The following ARHGAP27 variants were observed in gnomAD, a reference collection of about 807,000 sequenced individuals.
ARHGAP27 encodes Rho GTPase activating protein 27.
In ARHGAP27, 53 loss-of-function variants were observed where a neutral mutation model predicts 102.0. That is an observed-to-expected ratio of 0.52 (90% confidence interval 0.42 to 0.65). The LOEUF is 0.65. Ranked by LOEUF, ARHGAP27 falls within the 30% of genes least tolerant of loss-of-function variation. The probability of loss-of-function intolerance (pLI) is 0.00; values close to 1 mark genes in which losing one functional copy is unlikely to be tolerated. For synonymous variants in ARHGAP27, 525 were observed against 542.8 expected, an observed-to-expected ratio of 0.97 and a Z score of 0.46; for missense variants, 1,117 against 1,256.2, an observed-to-expected ratio of 0.89 and a Z score of 1.68.
chr17:45,409,888 G>A (rs376689624), intron 4 of ARHGAP27: 29 of 274,218 alleles, frequency 1.1e-4, no homozygotes, highest in Non-Finnish European at 1.5e-4. Flanking sequence ...CTCTTGGGTC[G>A]CATCCTAGAG....
chr17:45,407,750 G>A (rs1230031977), intron 4 of ARHGAP27: 1 of 152,162 alleles, frequency 6.6e-6, no homozygotes, highest in African/African-American at 2.4e-5. Flanking sequence ...CTGACCTCAG[G>A]TGATCCGCCC....
At chr17:45,432,098 G>T in intron 2 of ARHGAP27, 118 bp downstream of exon 2, 1 of 253,462 alleles carries the variant, frequency 3.9e-6, no homozygotes, top group Non-Finnish European at 7.9e-6. Flanking sequence ...GCTGGGGCTG[G>T]TTGTCTCGTG....
chr17:45,409,768 G>A (rs553315745), intron 4 of ARHGAP27: 1 of 160,720 alleles, frequency 6.2e-6, no homozygotes, highest in Admixed American at 6.4e-5. Flanking sequence ...TGGCCTTCAA[G>A]GAGTTACAGG....
intron 5 of ARHGAP27, 41 bp from the exon 6 acceptor site, chr17:45,405,147 A>AGTACTGCCTGCTG: frequency 6.6e-7 from 1 of 1,518,872 alleles, no homozygotes; most frequent in Admixed American, 2.1e-5. Context: ...TCTGAGTGCC[A>AGTACTGCCTGCTG]GTACTGCCTG....
At chr17:45,409,923 G>T in intron 4 of ARHGAP27, 1 of 393,422 alleles carries the variant, frequency 2.5e-6, no homozygotes, top group East Asian at 4.8e-5. Context: ...TCCGACCTCA[G>T]GCCAGAGGAG....
At position 45,396,778 on chromosome 17, in the gene ARHGAP27, A is replaced by T. The variant is rs763629512; in HGVS notation, c.1964T>A (p.Leu655Gln). The T allele has an allele frequency of 1.9e-6, 3 of 1,612,068 alleles. No individual in the cohort carries two copies. Among genetic ancestry groups the T allele is most frequent in the Admixed American group, 1.7e-5 (1 of 59,856 alleles). The change falls in exon 15 of 20, where the codon CTG (leucine) becomes CAG (glutamine). Residue 655 changes from leucine to glutamine, a missense_variant. This residue lies in a region of ARHGAP27 where 493 missense variants were observed against 505.5 expected (regional missense o/e 0.98). Coordinates refer to ENST00000685559, the MANE Select transcript of ARHGAP27 (RefSeq NM_001282290.2). Reference sequence around the variant, plus strand: ...GTCGCTCTCCAGGCCCACGGGGCCCAGGGCGGGCGCGGCTGCCGCGGGGAA... The same window carrying T: ...GTCGCTCTCCAGGCCCACGGGGCCCTGGGCGGGCGCGGCTGCCGCGGGGAA... Reference protein sequence around the residue: ...DARPNAAAPALGPVGLESDLS... With the variant: ...DARPNAAAPAQGPVGLESDLS...
chr17:45,408,014 T>A (rs976222658), intron 4 of ARHGAP27: 17 of 152,052 alleles, frequency 1.1e-4, no homozygotes, highest in African/African-American at 3.4e-4. Flanking sequence ...TTTTAAAAAT[T>A]CACAGAAGTT....
intron 4 of ARHGAP27, among the ~76,000 whole-genome samples, chr17:45,428,782 G>A (rs939736523): frequency 6.6e-6 from 1 of 152,190 alleles, no homozygotes; most frequent in African/African-American, 2.4e-5. Context: ...GCCGGTGGCA[G>A]ATGGCAGAAC....
chr17:45,417,297 C>G (rs1467430165), intron 4 of ARHGAP27, among the ~76,000 whole-genome samples: 1 of 150,782 alleles, frequency 6.6e-6, no homozygotes, highest in African/African-American at 2.4e-5. Context: ...AACCCCTCCT[C>G]TATTAAAAAT....
intron 12 of ARHGAP27, among the ~76,000 whole-genome samples, 189 bp from the exon 13 acceptor site, chr17:45,398,236 C>T (rs1319689297): frequency 6.6e-6 from 1 of 152,218 alleles, no homozygotes; most frequent in African/African-American, 2.4e-5. Context: ...CAGTGGCTGA[C>T]AGCATCTCTG....
At chr17:45,402,895 G>T in intron 11 of ARHGAP27, 77 bp from the exon 12 acceptor site, 2 of 1,275,794 alleles carry the variant, frequency 1.6e-6, no homozygotes, top group Non-Finnish European at 2.3e-6. Flanking sequence ...CCTAGGAATA[G>T]GATGGGGTCA....
chr17:45,427,148 C>T lies in ARHGAP27; in HGVS notation c.657+2475G>A, dbSNP rs2049696511. On this transcript the variant is annotated intron_variant, in intron 4 of 19. Coordinates refer to ENST00000685559, the MANE Select transcript of ARHGAP27 (RefSeq NM_001282290.2). This position sits in a 1 kb window ranked among gnomAD's most constrained non-coding sequence, Gnocchi z 4.5. ...AGACCCTGCCCATCCATCTCCCAAACCTCTGTTTCCACACATGCCCACGAG... is the reference window on the plus strand; with the variant it reads ...AGACCCTGCCCATCCATCTCCCAAATCTCTGTTTCCACACATGCCCACGAG... Among the ~76,000 whole-genome samples the T allele has an allele frequency of 6.8e-6, 1 of 146,050 alleles. No individual in the cohort carries two copies. The highest frequency in any genetic ancestry group is 1.9e-4 in the East Asian group (1 of 5,194).
chr17:45,419,121 C>G (rs1350169516), intron 4 of ARHGAP27, among the ~76,000 whole-genome samples: 13 of 152,286 alleles, frequency 8.5e-5, no homozygotes, highest in Admixed American at 6.5e-4. Flanking sequence ...GACCCCAGCA[C>G]AGCCGGGACC....
At position 45,429,829 on chromosome 17, in the gene ARHGAP27, C is replaced by G; in HGVS notation, c.451G>C (p.Val151Leu). 7.1e-7 allele frequency: 1 copy of G among 1,405,526 alleles called. No homozygotes were observed. The highest frequency in any genetic ancestry group is 9.2e-7 in the Non-Finnish European group (1 of 1,089,364). The allele number at this position is 1,405,526 out of a possible 1,614,324, so 87.1% of individuals were successfully genotyped here. A position where few individuals can be genotyped will look rare whatever the true frequency, so the allele number is the denominator to read the frequency against. Reference protein sequence around the residue: ...ACLYLRPAAPVRPAQSLNDLA... With the variant: ...ACLYLRPAAPLRPAQSLNDLA... Reference sequence around the variant, plus strand: ...TCGTTCAGGGACTGCGCGGGCCGCACGGGCGCCGCGGGCCGCAGGTACAGG... The same window carrying G: ...TCGTTCAGGGACTGCGCGGGCCGCAGGGGCGCCGCGGGCCGCAGGTACAGG... The change falls in exon 4 of 20, where the codon GTG becomes CTG. Residue 151 changes from valine to leucine, a missense_variant. Transcript: ENST00000685559.
chr17:45,421,407 A>C (rs1407062863), intron 4 of ARHGAP27, among the ~76,000 whole-genome samples: 1 of 150,968 alleles, frequency 6.6e-6, no homozygotes, highest in Non-Finnish European at 1.5e-5. Context: ...ACTTGAACCC[A>C]GGAGGTCGAG....
At chr17:45,425,531 C>G in intron 4 of ARHGAP27, 1 of 982,792 alleles carries the variant, frequency 1.0e-6, no homozygotes, top group African/African-American at 1.7e-5. Flanking sequence ...ACTGCTGTGG[C>G]CACCCCCTAG....
chr17:45,401,001 C>T (rs1389279438), intron 12 of ARHGAP27, among the ~76,000 whole-genome samples: 1 of 152,020 alleles, frequency 6.6e-6, no homozygotes, highest in Non-Finnish European at 1.5e-5. Context: ...TAGTTGATCA[C>T]AGAACTCTAT....
intron 4 of ARHGAP27, chr17:45,410,072 C>A: frequency 1.1e-6 from 1 of 930,696 alleles, no homozygotes; most frequent in Admixed American, 3.0e-5. Flanking sequence ...CCCAAGCTGA[C>A]CACCTCTTGG....
At chr17:45,397,882 G>T in intron 13 of ARHGAP27, 67 bp downstream of exon 13, 1 of 1,403,052 alleles carries the variant, frequency 7.1e-7, no homozygotes, top group Non-Finnish European at 9.8e-7. Context: ...CTGAGCCTGA[G>T]CAGAGGGCCC....
Sources: gnomAD v4.1 joint callset for allele counts (sites outside exome capture counted in the v4.1 genomes callset) on GRCh38, gnomAD v4.1.1 for gene constraint, gnomAD v4.1.1 regional missense constraint, Gnocchi (gnomAD v3.1) non-coding constraint, MANE v1.5 for transcripts, NCBI Gene and HGNC (gene_info 2026-07-23, HGNC 2026-07-21) for gene names.